Variants in BCAP29 observed in about 807,000 individuals in gnomAD.
The protein encoded by BCAP29 is B cell receptor associated protein 29.
A neutral mutation model predicts 31.8 loss-of-function variants in BCAP29; 34 were observed. That is an observed-to-expected ratio of 1.07 (90% CI 0.81 to 1.42). BCAP29 has a LOEUF of 1.42. Ranked by LOEUF, BCAP29 falls within the 40% of genes most tolerant of loss-of-function variation. The probability of loss-of-function intolerance (pLI) is 0.00; values close to 1 mark genes in which losing one functional copy is unlikely to be tolerated. For synonymous variants in BCAP29, 104 were observed against 91.3 expected (o/e 1.14, Z -0.79); for missense variants, 314 against 269.2 (o/e 1.17, Z -1.16).
At chr7:107,614,471 A>G (rs1037927316) in intron 7 of BCAP29, among the ~76,000 whole-genome samples, 2 of 152,214 alleles carry the variant, frequency 1.3e-5, no homozygotes, top group African/African-American at 4.8e-5. Flanking sequence ...AGAGAACTAA[A>G]TAAAATGTGT....
chr7:107,612,461 G>T (rs1440267188), intron 6 of BCAP29, among the ~76,000 whole-genome samples: 7 of 122,476 alleles, frequency 5.7e-5, no homozygotes, highest in African/African-American at 1.4e-4. Flanking sequence ...TCTATCTAAG[G>T]CCCTGAATCT....
chr7:107,589,270 C>T (rs983761947), intron 3 of BCAP29, among the ~76,000 whole-genome samples: 8 of 152,106 alleles, frequency 5.3e-5, no homozygotes, highest in African/African-American at 1.7e-4. Context: ...AATTTATATG[C>T]ACTTCATTTC....
chr7:107,610,761 A>C (rs751694505), intron 6 of BCAP29, among the ~76,000 whole-genome samples: 4 of 152,210 alleles, frequency 2.6e-5, no homozygotes, highest in African/African-American at 9.7e-5. Context: ...AGGCTGTACA[A>C]GTGGTTTTCT....
At chr7:107,600,548 T>A in intron 6 of BCAP29, 43 bp downstream of exon 6, 6 of 1,178,906 alleles carry the variant, frequency 5.1e-6, no homozygotes, top group Non-Finnish European at 7.5e-6. Context: ...ACTAGCATGA[T>A]ATTTTATGCT....
intron 6 of BCAP29, among the ~76,000 whole-genome samples, chr7:107,612,391 T>TA (rs1813284355): frequency 1.9e-4 from 6 of 30,876 alleles, no homozygotes; most frequent in Admixed American, 8.1e-4. Context: ...ATGTATTGTT[T>TA]TATATATATA....
At chr7:107,580,170 C>T (rs1295371880), upstream of BCAP29, 1 of 152,102 alleles carries the variant, frequency 6.6e-6, no homozygotes, top group African/African-American at 2.4e-5. Flanking sequence ...GGGACGGACC[C>T]GCGGGCGGGA....
intron 4 of BCAP29, among the ~76,000 whole-genome samples, chr7:107,595,570 ACTGT>A (rs1260710889): frequency 6.6e-6 from 1 of 152,138 alleles, no homozygotes; most frequent in African/African-American, 2.4e-5. Context: ...GCCCTGTCAC[ACTGT>A]CTGAAATTTT....
intron 6 of BCAP29, among the ~76,000 whole-genome samples, chr7:107,612,709 T>C (rs887625581): frequency 2.0e-5 from 3 of 151,952 alleles, no homozygotes; most frequent in Non-Finnish European, 4.4e-5. Flanking sequence ...TCACTTATAT[T>C]CATATGTAAG....
intron 4 of BCAP29, among the ~76,000 whole-genome samples, chr7:107,595,207 C>T (rs554555844): frequency 2.6e-5 from 4 of 152,174 alleles, no homozygotes; most frequent in Non-Finnish European, 5.9e-5. Flanking sequence ...TCTTCTCTTA[C>T]AGGTGCTCAA....
At chr7:107,616,858 C>T (rs766178865) in intron 7 of BCAP29, among the ~76,000 whole-genome samples, 1 of 152,132 alleles carries the variant, frequency 6.6e-6, no homozygotes, top group Non-Finnish European at 1.5e-5. Flanking sequence ...TGTGCCTCAG[C>T]CTTCTGAGTG....
intron 7 of BCAP29, among the ~76,000 whole-genome samples, chr7:107,616,691 C>A (rs10276027): frequency 0.027 from 4,059 of 152,112 alleles, 187 homozygotes; most frequent in African/African-American, 0.091. Context: ...CAATATGAGA[C>A]CCTGTATAAG....
At chr7:107,617,293 A>G (rs1001219457) in intron 7 of BCAP29, among the ~76,000 whole-genome samples, 4 of 152,188 alleles carry the variant, frequency 2.6e-5, no homozygotes, top group African/African-American at 9.6e-5. Context: ...TATTAAGGAA[A>G]CAAAGGTTAA....
At chr7:107,599,307 T>TC in intron 5 of BCAP29, among the ~76,000 whole-genome samples, 1 of 38,272 alleles carries the variant, frequency 2.6e-5, no homozygotes, top group Non-Finnish European at 4.5e-5. Context: ...TATATATAAA[T>TC]TTTATATATA....
At chr7:107,610,749 A>G (rs552272558) in intron 6 of BCAP29, among the ~76,000 whole-genome samples, 1 of 152,338 alleles carries the variant, frequency 6.6e-6, no homozygotes, top group South Asian at 2.1e-4. Flanking sequence ...AAACTCCTAG[A>G]TAGGCTGTAC....
intron 1 of BCAP29, chr7:107,580,531 G>T (rs549822787): frequency 3.4e-4 from 152 of 447,968 alleles, no homozygotes; most frequent in African/African-American, 2.7e-3. Flanking sequence ...GGCGGAAAAG[G>T]CAGTGGCCAG....
intron 3 of BCAP29, among the ~76,000 whole-genome samples, chr7:107,591,641 T>TACAC (rs924671499): frequency 4.8e-5 from 2 of 41,746 alleles, no homozygotes; most frequent in Non-Finnish European, 1.5e-4. Context: ...CATACACACA[T>TACAC]ACACACACAC....
chr7:107,614,541 A>G (rs1225468225), intron 7 of BCAP29, among the ~76,000 whole-genome samples: 2 of 152,220 alleles, frequency 1.3e-5, no homozygotes, highest in Non-Finnish European at 2.9e-5. Flanking sequence ...AGGTATTATC[A>G]TCATCATCTG....
intron 3 of BCAP29, among the ~76,000 whole-genome samples, chr7:107,590,119 C>G (rs555647678): frequency 6.6e-6 from 1 of 151,860 alleles, no homozygotes; most frequent in Non-Finnish European, 1.5e-5. Context: ...TTTTAAGATG[C>G]CATTAAAGCA....
At chr7:107,592,830 A>G (rs1405744001) in intron 3 of BCAP29, among the ~76,000 whole-genome samples, 1 of 152,244 alleles carries the variant, frequency 6.6e-6, no homozygotes, top group South Asian at 2.1e-4. Flanking sequence ...AGCCAGACAC[A>G]AAAGAGCAGA....
Sources: allele counts gnomAD v4.1 joint callset (sites outside exome capture counted in the v4.1 genomes callset), GRCh38; gene constraint gnomAD v4.1.1; transcripts MANE v1.5; gene names NCBI Gene and HGNC (gene_info 2026-07-23, HGNC 2026-07-21).